The following SEZ6L variants were observed in gnomAD, a reference collection of about 807,000 sequenced individuals.
SEZ6L encodes the protein seizure related 6 homolog like, also known as seizure 6-like protein.
Under a neutral mutation model 106.2 loss-of-function variants are expected in SEZ6L, and 37 were observed. That is an observed-to-expected ratio of 0.35 (90% CI 0.27 to 0.46). The LOEUF is 0.46. Ranked by LOEUF, SEZ6L falls within the 20% of genes least tolerant of loss-of-function variation. The probability of loss-of-function intolerance (pLI) is 1.00; values close to 1 mark genes in which losing one functional copy is unlikely to be tolerated. For synonymous variants in SEZ6L, 541 were observed against 570.4 expected, an observed-to-expected ratio of 0.95 and a Z score of 0.73; for missense variants, 1,172 against 1,332.8, an observed-to-expected ratio of 0.88 and a Z score of 1.88.
chr22:26,172,826 C>T lies in SEZ6L; in HGVS notation c.94+3063C>T, dbSNP rs188135268. Among the ~76,000 whole-genome samples the T allele has an allele frequency of 3.6e-4, 55 of 152,304 alleles. No homozygotes were observed. In the East Asian group the frequency reaches 8.7e-3, roughly 24 times the overall value. On this transcript the variant is annotated intron_variant, in intron 1 of 16. Transcript: ENST00000248933. ...GAGAAAGAAAAGGTAAAAAGAAGCC[C>T]GGAGAATGCTCCAAGGAAAATGTCA...
chr22:26,290,146 C>A (rs566187292), intron 1 of SEZ6L, among the ~76,000 whole-genome samples: 1 of 152,176 alleles, frequency 6.6e-6, no homozygotes, highest in Non-Finnish European at 1.5e-5. Flanking sequence ...AGTCATTAAC[C>A]AGCAATTGGC....
chr22:26,304,364 AGAAAG>A (rs1488967111), intron 5 of SEZ6L, among the ~76,000 whole-genome samples: 11 of 86,260 alleles, frequency 1.3e-4, no homozygotes, highest in African/African-American at 3.9e-4. Context: ...AAAAAAAAAA[AGAAAG>A]AAGAAAGAAA....
In SEZ6L at chr22:26,382,013, T is replaced by G. The variant is rs779317999; in HGVS notation, c.*1718T>G. The G allele has an allele frequency of 2.1e-5, 11 of 518,640 alleles. No individual in the cohort carries two copies. Among genetic ancestry groups the G allele is most frequent in the Middle Eastern group, 3.2e-4 (1 of 3,166 alleles). 32.1% of individuals were successfully genotyped at this position (518,640 alleles called of 1,614,324 possible). ...GGAAAGTTGATTTTAGGCACACATG[T>G]ACCCTCCTTGACAGCAGGAACTCAG... On this transcript the variant is annotated 3_prime_UTR_variant, in exon 17 of 17. Transcript: ENST00000248933.
chr22:26,246,320 T>A (rs980563710), intron 1 of SEZ6L, among the ~76,000 whole-genome samples: 1 of 152,188 alleles, frequency 6.6e-6, no homozygotes, highest in Non-Finnish European at 1.5e-5. Context: ...CACATCGTAT[T>A]ACTAACCCTA....
intron 1 of SEZ6L, among the ~76,000 whole-genome samples, chr22:26,256,046 T>C (rs550065223): frequency 3.6e-4 from 55 of 152,214 alleles, no homozygotes; most frequent in Non-Finnish European, 5.7e-4. Context: ...GGAAGAGAGT[T>C]CTATGTACAA....
At chr22:26,332,162 T>C (rs1286087216) in intron 9 of SEZ6L, among the ~76,000 whole-genome samples, 1 of 148,498 alleles carries the variant, frequency 6.7e-6, no homozygotes, top group Non-Finnish European at 1.5e-5. Flanking sequence ...TTTTTTTTTT[T>C]TTTTTGAGAC....
At chr22:26,267,148 C>A (rs1397070294) in intron 1 of SEZ6L, among the ~76,000 whole-genome samples, 1 of 152,154 alleles carries the variant, frequency 6.6e-6, no homozygotes, top group Non-Finnish European at 1.5e-5. Flanking sequence ...CTCACAACTA[C>A]CATATGAGGT....
chr22:26,173,901 A>G (rs1938796488), intron 1 of SEZ6L, among the ~76,000 whole-genome samples: 2 of 152,120 alleles, frequency 1.3e-5, no homozygotes. Flanking sequence ...TTATGATTTC[A>G]TTTTAACCTA....
intron 1 of SEZ6L, among the ~76,000 whole-genome samples, chr22:26,223,760 T>C (rs1013117835): frequency 1.3e-5 from 2 of 152,180 alleles, no homozygotes; most frequent in Admixed American, 6.5e-5. Context: ...ATGCCCTCAA[T>C]GAATATCAAC....
At chr22:26,288,038 C>A (rs1484298684) in intron 1 of SEZ6L, among the ~76,000 whole-genome samples, 1 of 152,202 alleles carries the variant, frequency 6.6e-6, no homozygotes, top group Non-Finnish European at 1.5e-5. Flanking sequence ...GTAAGAACAG[C>A]AGCTGTGAAG....
rs141465771 is a variant in SEZ6L at position 26,346,141 on chromosome 22, C to T, written c.2213-1578C>T. Among the ~76,000 whole-genome samples, 836 of 152,198 alleles carry T rather than the reference C, an allele frequency of 5.5e-3. 1 individual carries two copies. Among genetic ancestry groups the T allele is most frequent in the Non-Finnish European group, 8.0e-3 (541 of 68,010 alleles). On this transcript the variant is annotated intron_variant, in intron 10 of 16. Transcript: ENST00000248933. ...CTCCCAGACTCAAGCAATCCTCCCA[C>T]CTCAGCCTCCTGAGCAGCTGGGACT...
chr22:26,169,840 C>A, intron 1 of SEZ6L, 77 bp downstream of exon 1: 1 of 654,914 alleles, frequency 1.5e-6, no homozygotes, highest in Non-Finnish European at 2.2e-6. Context: ...CGGGGCTGAC[C>A]AGGGCGACTC....
chr22:26,252,811 C>A (rs1381412400), intron 1 of SEZ6L, among the ~76,000 whole-genome samples: 2 of 152,228 alleles, frequency 1.3e-5, no homozygotes, highest in Non-Finnish European at 2.9e-5. Flanking sequence ...TTTATTTTAT[C>A]CAATCCATCA....
chr22:26,367,200 A>G (rs1446561490), intron 13 of SEZ6L, among the ~76,000 whole-genome samples: 1 of 152,018 alleles, frequency 6.6e-6, no homozygotes, highest in Non-Finnish European at 1.5e-5. Context: ...CTGAGGTGAA[A>G]AATGTAAGGA....
intron 9 of SEZ6L, among the ~76,000 whole-genome samples, chr22:26,331,645 G>A (rs993705704): frequency 2.6e-5 from 4 of 152,084 alleles, no homozygotes; most frequent in East Asian, 3.9e-4. Context: ...AAGAACATTC[G>A]TTACCAAGAA....
intron 1 of SEZ6L, among the ~76,000 whole-genome samples, chr22:26,262,303 A>T (rs574332138): frequency 7.8e-6 from 1 of 128,638 alleles, no homozygotes; most frequent in South Asian, 2.5e-4. Context: ...AAAGAAATAC[A>T]TGGCCCTTCT....
intron 1 of SEZ6L, among the ~76,000 whole-genome samples, chr22:26,253,148 G>T (rs1367652806): frequency 2.0e-5 from 3 of 152,166 alleles, no homozygotes. Context: ...AATCCAAAAT[G>T]ATGTGGCTGG....
chr22:26,242,206 C>G (rs2079158804), intron 1 of SEZ6L, among the ~76,000 whole-genome samples: 1 of 152,254 alleles, frequency 6.6e-6, no homozygotes, highest in African/African-American at 2.4e-5. Flanking sequence ...CCATGCCCAG[C>G]ACAGAGGCTG....
In SEZ6L at chr22:26,294,429, A is replaced by C. The variant is rs1448680863; in HGVS notation, c.969+4A>C. ...TGGCTATGGGGTGGAGCTCCAGGTA[A>C]CCCCAGGAGAGTACCTCACAGAGGC... On this transcript the variant is annotated splice_donor_region_variant and intron_variant, in intron 3 of 16. Transcript: ENST00000248933. 1.2e-6 allele frequency: 2 copies of C among 1,613,406 alleles called. No individual in the cohort carries two copies. The highest frequency in any genetic ancestry group is 1.7e-6 in the Non-Finnish European group (2 of 1,179,606).
Sources: gnomAD v4.1 joint callset for allele counts (sites outside exome capture counted in the v4.1 genomes callset) on GRCh38, gnomAD v4.1.1 for gene constraint, MANE v1.5 for transcripts, NCBI Gene and HGNC (gene_info 2026-07-23, HGNC 2026-07-21) for gene names.